Variants in ZNF75D observed in about 807,000 individuals in gnomAD.
ZNF75D encodes the protein zinc finger protein 75.
Under a neutral mutation model 33.3 loss-of-function variants are expected in ZNF75D, and 33 were observed. The observed-to-expected ratio is 0.99, with a 90% confidence interval of 0.75 to 1.32. ZNF75D has a LOEUF of 1.32. Ranked by LOEUF, ZNF75D falls within the 40% of genes most tolerant of loss-of-function variation. The pLI is 0.00. For missense variants in ZNF75D, 338 were observed against 367.5 expected (o/e 0.92, Z 0.66); for synonymous variants, 113 against 130.6 (o/e 0.87, Z 0.92).
chrX:135,328,927 T>C (rs781928407), intron 1 of ZNF75D, among the ~76,000 whole-genome samples: 50 of 112,522 alleles, frequency 4.4e-4, no homozygotes, highest in Non-Finnish European at 8.4e-4. Flanking sequence ...TGCCTTAGTG[T>C]TGCCTGTCCA....
intron 1 of ZNF75D, among the ~76,000 whole-genome samples, chrX:135,317,399 C>T (rs1255935554): frequency 2.7e-5 from 3 of 111,519 alleles, no homozygotes; most frequent in Non-Finnish European, 5.7e-5. Flanking sequence ...CCCAGGGTGG[C>T]GTACACTGGC....
intron 1 of ZNF75D, among the ~76,000 whole-genome samples, chrX:135,299,923 C>G (rs186507246): frequency 5.3e-5 from 6 of 112,323 alleles, no homozygotes; most frequent in Admixed American, 9.4e-5. Flanking sequence ...TCAGTTAACT[C>G]AAGGTGTATG....
Position 135,286,978 on chromosome X carries a change from G to T in ZNF75D, c.*159C>A, listed in dbSNP as rs1404868548. The T allele has an allele frequency of 1.1e-5, 5 of 458,593 alleles. No individual in the cohort carries two copies. Among genetic ancestry groups the T allele is most frequent in the Non-Finnish European group, 1.5e-5 (4 of 270,112 alleles). 37.8% of individuals were successfully genotyped at this position (458,593 alleles called of 1,213,427 possible). ...AACTCTTGTGCTAGGCACAGAAGAT[G>T]CAATGCTGAATAAAACAGACAGCTT... On this transcript the variant is annotated 3_prime_UTR_variant, in exon 7 of 7. Transcript: ENST00000370766.
intron 1 of ZNF75D, among the ~76,000 whole-genome samples, chrX:135,264,049 A>G (rs782607772): frequency 8.9e-6 from 1 of 111,753 alleles, no homozygotes; most frequent in African/African-American, 3.3e-5. Flanking sequence ...TCATTTTCAC[A>G]CTGCTATAAA....
intron 1 of ZNF75D, among the ~76,000 whole-genome samples, chrX:135,262,821 A>G (rs1254712552): frequency 8.9e-6 from 1 of 112,373 alleles, no homozygotes; most frequent in Non-Finnish European, 1.9e-5. Flanking sequence ...TTCTCCATCC[A>G]GCTTTGTTCT....
intron 1 of ZNF75D, among the ~76,000 whole-genome samples, chrX:135,316,652 T>C (rs930420901): frequency 1.7e-4 from 19 of 111,388 alleles, no homozygotes; most frequent in Admixed American, 4.8e-4. Context: ...GGTTACTTTA[T>C]GGTGTCCCAT....
At chrX:135,263,904 C>T (rs781786019) in intron 1 of ZNF75D, among the ~76,000 whole-genome samples, 32 of 112,184 alleles carry the variant, frequency 2.9e-4, no homozygotes, top group Non-Finnish European at 4.9e-4. Flanking sequence ...GAGTCGATCA[C>T]GCTGGGAGCT....
At chrX:135,337,449 C>G (rs201215540) in intron 1 of ZNF75D, among the ~76,000 whole-genome samples, 1 of 70,711 alleles carries the variant, frequency 1.4e-5, no homozygotes, top group African/African-American at 3.9e-5. Flanking sequence ...GAGAGAACCA[C>G]TCAAATTTTT....
At chrX:135,311,651 T>C in intron 1 of ZNF75D, among the ~76,000 whole-genome samples, 1 of 112,023 alleles carries the variant, frequency 8.9e-6, no homozygotes, top group East Asian at 2.8e-4. Flanking sequence ...GTTGAACTTG[T>C]TTCTCCTTTC....
At chrX:135,257,118 C>G (rs1203293419) in intron 1 of ZNF75D, among the ~76,000 whole-genome samples, 1 of 112,444 alleles carries the variant, frequency 8.9e-6, no homozygotes, top group Non-Finnish European at 1.9e-5. Context: ...TGGTGAAGGA[C>G]TCCTTCCATT....
intron 1 of ZNF75D, among the ~76,000 whole-genome samples, chrX:135,300,208 C>T (rs1216948580): frequency 9.0e-6 from 1 of 111,715 alleles, no homozygotes; most frequent in Non-Finnish European, 1.9e-5. Context: ...CTTTTTGCAG[C>T]AGAATGTCAC....
At chrX:135,318,676 T>C (rs782617642) in intron 1 of ZNF75D, among the ~76,000 whole-genome samples, 15 of 111,757 alleles carry the variant, frequency 1.3e-4, no homozygotes, top group Non-Finnish European at 2.8e-4. Flanking sequence ...ATGCTGTACA[T>C]GCTAAAACAT....
chrX:135,252,211 T>G (rs1189892332), intron 2 of ZNF75D: 1 of 104,228 alleles, frequency 9.6e-6, no homozygotes, highest in African/African-American at 3.7e-5. Flanking sequence ...TATCAAAGAG[T>G]CATTTGTTCA....
rs1556421937 is a variant in ZNF75D at position 135,293,808 on chromosome X, C to T, written c.333G>A (p.Lys111=). ...LPKETQNWVQ[K]HHPQNVKQAL... ...CCTGTTTGACATTCTGTGGATGATG[C>T]TTCTGCACCCAGTTCTGGGTCTCCT... is the stretch of plus-strand genomic sequence containing the variant. Residue 111 remains lysine, a synonymous_variant, in exon 3 of 7, where the codon AAG becomes AAA. Coordinates refer to ENST00000370766, the MANE Select transcript of ZNF75D (RefSeq NM_007131.5). 6 of 1,209,652 alleles carry T rather than the reference C, an allele frequency of 5.0e-6. No homozygotes were observed. The highest frequency in any genetic ancestry group is 6.7e-6 in the Non-Finnish European group (6 of 893,704).
At chrX:135,276,417 G>A (rs1373113957) in intron 1 of ZNF75D, among the ~76,000 whole-genome samples, 14 of 111,978 alleles carry the variant, frequency 1.3e-4, no homozygotes, top group African/African-American at 3.9e-4. Context: ...GCTGCACTTC[G>A]ACATATTGAT....
At chrX:135,280,400 C>A (rs1163226475) in intron 1 of ZNF75D, among the ~76,000 whole-genome samples, 1 of 111,721 alleles carries the variant, frequency 9.0e-6, no homozygotes, top group African/African-American at 3.3e-5. Flanking sequence ...TGAGATGGGT[C>A]TCCTGAATAC....
intron 1 of ZNF75D, among the ~76,000 whole-genome samples, chrX:135,323,448 T>C (rs971205716): frequency 1.8e-5 from 2 of 112,389 alleles, no homozygotes; most frequent in Non-Finnish European, 3.8e-5. Flanking sequence ...AGGCTTTTGC[T>C]TTTAGGAGCA....
At chrX:135,339,784 G>A (rs1259068740) in intron 1 of ZNF75D, among the ~76,000 whole-genome samples, 1 of 111,876 alleles carries the variant, frequency 8.9e-6, no homozygotes, top group Non-Finnish European at 1.9e-5. Flanking sequence ...CTCTAGAAGA[G>A]CCCTACTCCC....
intron 1 of ZNF75D, among the ~76,000 whole-genome samples, chrX:135,319,618 T>C (rs1556433338): frequency 4.5e-5 from 5 of 112,072 alleles, no homozygotes; most frequent in African/African-American, 1.6e-4. Context: ...TTTTGAATGA[T>C]TGTGGAGGTG....
Sources: allele counts gnomAD v4.1 joint callset (sites outside exome capture counted in the v4.1 genomes callset), GRCh38; gene constraint gnomAD v4.1.1; transcripts MANE v1.5; gene names NCBI Gene and HGNC (gene_info 2026-07-23, HGNC 2026-07-21).